HIPK3: variants seen among roughly 807,000 people sequenced by gnomAD.
HIPK3 encodes the protein homeodomain-interacting protein kinase 3.
Under a neutral mutation model 124.2 loss-of-function variants are expected in HIPK3, and 47 were observed. The ratio of observed to expected loss-of-function variants is 0.38; its 90% confidence interval spans 0.30 to 0.48. The LOEUF (loss-of-function observed/expected upper bound fraction) is 0.48. Ranked by LOEUF, HIPK3 falls within the 20% of genes least tolerant of loss-of-function variation. HIPK3 has a pLI of 0.98. For missense variants in HIPK3, 1,286 were observed against 1,454.3 expected, an observed-to-expected ratio of 0.88 and a Z score of 1.88; for synonymous variants, 482 against 515.2, an observed-to-expected ratio of 0.94 and a Z score of 0.87.
At chr11:33,337,479 C>T (rs1037006007) in intron 4 of HIPK3, among the ~76,000 whole-genome samples, 11 of 151,746 alleles carry the variant, frequency 7.2e-5, no homozygotes, top group African/African-American at 2.7e-4. Context: ...CCTCAGCCTC[C>T]CAAGTAGCTG....
At chr11:33,352,328 TG>T in intron 16 of HIPK3, 63 bp downstream of exon 16, 1 of 1,556,984 alleles carries the variant, frequency 6.4e-7, no homozygotes. Context: ...GTTTTTCACG[TG>T]GAGGAGAAAG....
intron 1 of HIPK3, among the ~76,000 whole-genome samples, chr11:33,281,431 A>G (rs1281114145): frequency 2.0e-5 from 3 of 152,226 alleles, no homozygotes; most frequent in Middle Eastern, 3.4e-3. Context: ...TTCCTCTTCT[A>G]TATTATTTCA....
intron 9 of HIPK3, 26 bp from the exon 10 acceptor site, chr11:33,347,603 C>A: frequency 6.2e-7 from 1 of 1,605,730 alleles, no homozygotes. Context: ...TTGTTATTTT[C>A]TATTGTTTTG....
At chr11:33,318,610 C>G (rs939177558) in intron 2 of HIPK3, among the ~76,000 whole-genome samples, 2 of 152,142 alleles carry the variant, frequency 1.3e-5, no homozygotes, top group Non-Finnish European at 2.9e-5. Context: ...ATTACTGTTA[C>G]TGTATATTTT....
chr11:33,348,390 G>A, intron 12 of HIPK3, 132 bp from the exon 13 acceptor site: 1 of 1,009,170 alleles, frequency 9.9e-7, no homozygotes, highest in South Asian at 1.7e-5. Flanking sequence ...AAAAACTCAA[G>A]ATCTGTTAGT....
chr11:33,323,535 G>A (rs1244600965), intron 2 of HIPK3, among the ~76,000 whole-genome samples: 1 of 152,158 alleles, frequency 6.6e-6, no homozygotes, highest in Non-Finnish European at 1.5e-5. Flanking sequence ...GAGCCACCAC[G>A]TCCGGCTGGA....
intron 2 of HIPK3, among the ~76,000 whole-genome samples, chr11:33,325,958 CT>C (rs1852800316): frequency 6.6e-6 from 1 of 152,078 alleles, no homozygotes; most frequent in Non-Finnish European, 1.5e-5. Flanking sequence ...TTTTGAAGAT[CT>C]TTTATACCTC....
At chr11:33,330,197 A>G (rs981101720) in intron 3 of HIPK3, among the ~76,000 whole-genome samples, 14 of 152,202 alleles carry the variant, frequency 9.2e-5, no homozygotes, top group Admixed American at 8.5e-4. Context: ...TAAACTTGGA[A>G]CAGGTATTAT....
intron 3 of HIPK3, among the ~76,000 whole-genome samples, chr11:33,329,556 A>G (rs1852911448): frequency 6.6e-6 from 1 of 152,216 alleles, no homozygotes; most frequent in Middle Eastern, 3.2e-3. Flanking sequence ...AATGTTCCTG[A>G]GATGACTCTG....
intron 6 of HIPK3, among the ~76,000 whole-genome samples, 175 bp from the exon 7 acceptor site, chr11:33,340,793 A>G (rs572072034): frequency 6.6e-6 from 1 of 152,354 alleles, no homozygotes; most frequent in African/African-American, 2.4e-5. Context: ...CTTGCTCTGA[A>G]ACTTAATCTT....
chr11:33,341,160 C>A, intron 7 of HIPK3, 33 bp downstream of exon 7: 5 of 1,463,914 alleles, frequency 3.4e-6, no homozygotes, highest in East Asian at 2.4e-5. Context: ...AACTTAGGGT[C>A]TTTTTTTAAT....
intron 3 of HIPK3, among the ~76,000 whole-genome samples, chr11:33,331,338 A>C (rs1442835441): frequency 2.0e-5 from 3 of 152,122 alleles, no homozygotes; most frequent in Admixed American, 6.5e-5. Context: ...TTATTCCAGT[A>C]ATCAGCTGCC....
At chr11:33,332,763 A>G (rs948770977) in intron 3 of HIPK3, among the ~76,000 whole-genome samples, 1 of 152,240 alleles carries the variant, frequency 6.6e-6, no homozygotes, top group African/African-American at 2.4e-5. Flanking sequence ...ATTTATTTAT[A>G]TGTGTGGATG....
At position 33,353,669 on chromosome 11, in the gene HIPK3, C is replaced by A. The variant is rs898412584; in HGVS notation, c.*101C>A. On this transcript the variant is annotated 3_prime_UTR_variant, in exon 17 of 17. Coordinates refer to ENST00000303296, the MANE Select transcript of HIPK3 (RefSeq NM_005734.5). ...TGGCACAAGAAAATTATTTTTGAAT[C>A]ATGTAGACTTGGGTGCAATTTAAAC... 2.0e-5 allele frequency: 17 copies of A among 830,352 alleles called. No individual in the cohort carries two copies. The highest frequency in any genetic ancestry group is 2.0e-4 in the Admixed American group (8 of 40,362). The allele number at this position is 830,352 out of a possible 1,614,324, so 51.4% of individuals were successfully genotyped here.
chr11:33,305,045 G>T (rs1326791667), intron 2 of HIPK3, among the ~76,000 whole-genome samples: 1 of 152,122 alleles, frequency 6.6e-6, no homozygotes, highest in Non-Finnish European at 1.5e-5. Flanking sequence ...CTGTCGCCCA[G>T]GCTGGAGTAC....
chr11:33,350,792 A>G (rs943981563), intron 14 of HIPK3, among the ~76,000 whole-genome samples: 1 of 152,236 alleles, frequency 6.6e-6, no homozygotes, highest in African/African-American at 2.4e-5. Context: ...CTTAGGAAAT[A>G]TGATATTGCA....
At chr11:33,310,352 C>A (rs1474208482) in intron 2 of HIPK3, among the ~76,000 whole-genome samples, 1 of 145,820 alleles carries the variant, frequency 6.9e-6, no homozygotes, top group Non-Finnish European at 1.5e-5. Context: ...GTCACCCAGG[C>A]TGGCGTACAG....
intron 2 of HIPK3, among the ~76,000 whole-genome samples, chr11:33,312,425 A>G (rs1852377110): frequency 6.6e-6 from 1 of 152,200 alleles, no homozygotes; most frequent in Admixed American, 6.5e-5. Context: ...GCTATTCCGT[A>G]TGATATCAAA....
intron 1 of HIPK3, among the ~76,000 whole-genome samples, chr11:33,274,747 C>T (rs920215554): frequency 1.3e-5 from 2 of 151,952 alleles, no homozygotes; most frequent in African/African-American, 4.8e-5. Flanking sequence ...CTTTTCTAGC[C>T]TTGTTAAAGA....
Sources: allele counts gnomAD v4.1 joint callset (sites outside exome capture counted in the v4.1 genomes callset), GRCh38; gene constraint gnomAD v4.1.1; transcripts MANE v1.5; gene names NCBI Gene and HGNC (gene_info 2026-07-23, HGNC 2026-07-21).